NFYB: variants seen among roughly 807,000 people sequenced by gnomAD.
The protein encoded by NFYB is nuclear transcription factor Y subunit beta.
A neutral mutation model predicts 28.0 loss-of-function variants in NFYB; 13 were observed. The ratio of observed to expected loss-of-function variants is 0.46; its 90% confidence interval spans 0.30 to 0.74. NFYB has a LOEUF of 0.74. Among genes scored for constraint, NFYB ranks in the 30% least tolerant of loss-of-function variants. NFYB has a pLI of 0.07. For synonymous variants in NFYB, 74 were observed against 75.0 expected, an observed-to-expected ratio of 0.99 and a Z score of 0.07; for missense variants, 142 against 247.6, an observed-to-expected ratio of 0.57 and a Z score of 2.86.
In NFYB at chr12:104,136,142, C is replaced by A. The variant is rs1372891388; in HGVS notation, c.-79-610G>T. On this transcript the variant is annotated intron_variant, in intron 1 of 7. Coordinates refer to ENST00000240055, the MANE Select transcript of NFYB (RefSeq NM_006166.4). The stretch of plus-strand genomic sequence containing the variant: ...GACCCTTATTTATAATTTTGAAGCA[C>A]CACCATTTTTGACTAAAATTGCATC... Among the ~76,000 whole-genome samples the A allele has an allele frequency of 2.0e-5, 3 of 152,254 alleles. No individual in the cohort carries two copies. In the East Asian group the frequency reaches 5.8e-4, roughly 29 times the overall value.
intron 1 of NFYB, 68 bp from the exon 2 acceptor site, chr12:104,135,600 A>C: frequency 1.7e-6 from 1 of 589,220 alleles, no homozygotes; most frequent in Non-Finnish European, 2.8e-6. Context: ...TGTATCACTT[A>C]TAGGCTTTTT....
At chr12:104,123,155 AAC>A (rs2030543957) in intron 5 of NFYB, 69 bp downstream of exon 5, 8 of 1,208,736 alleles carry the variant, frequency 6.6e-6, no homozygotes, top group Non-Finnish European at 9.3e-6. Flanking sequence ...CAGCCTGGGC[AAC>A]AGAGCGATAC....
In NFYB at chr12:104,117,106, A is replaced by G. The variant is rs376391932; in HGVS notation, c.*2631T>C. On this transcript the variant is annotated 3_prime_UTR_variant, in exon 8 of 8. Transcript: ENST00000240055. ...CAAAATTATAAAAAACATTTTTATG[A>G]TAGGTTAACATGGGAGCTTGCATAC... is the stretch of plus-strand genomic sequence containing the variant. 17 of 152,346 alleles carry G rather than the reference A, an allele frequency of 1.1e-4. No homozygotes were observed. The East Asian group carries it at 3.1e-3, about 28-fold the overall frequency. The allele number at this position is 152,346 out of a possible 1,614,324, so 9.4% of individuals were successfully genotyped here. A position where few individuals can be genotyped will look rare whatever the true frequency, so the allele number is the denominator to read the frequency against.
At chr12:104,129,587 C>A (rs945735334) in intron 2 of NFYB, among the ~76,000 whole-genome samples, 2 of 152,028 alleles carry the variant, frequency 1.3e-5, no homozygotes, top group African/African-American at 2.4e-5. Context: ...TTTCTCTCCC[C>A]CTGCCAAATC....
chr12:104,127,228 T>C (rs1277527141), intron 3 of NFYB, among the ~76,000 whole-genome samples: 5 of 152,182 alleles, frequency 3.3e-5, no homozygotes, highest in Admixed American at 2.6e-4. Context: ...CAGGATGAAA[T>C]TAATCCCTCT....
In NFYB at chr12:104,118,009, C is replaced by A. The variant is rs1397818390; in HGVS notation, c.*1728G>T. The A allele has an allele frequency of 6.6e-6, 1 of 151,908 alleles. No homozygotes were observed. Among genetic ancestry groups the A allele is most frequent in the African/African-American group, 2.4e-5 (1 of 41,350 alleles). The allele number at this position is 151,908 out of a possible 1,614,324, so 9.4% of individuals were successfully genotyped here. On this transcript the variant is annotated 3_prime_UTR_variant, in exon 8 of 8. Transcript: ENST00000240055. ...GAAAAGATGTAAATAGTCAAAATAT[C>A]CAATAGAAGATTAAATGAATTATGA... is the stretch of plus-strand genomic sequence containing the variant.
At chr12:104,126,274 G>T in intron 3 of NFYB, 30 bp from the exon 4 acceptor site, 1 of 1,473,556 alleles carries the variant, frequency 6.8e-7, no homozygotes, top group Non-Finnish European at 9.0e-7. Flanking sequence ...TAGGTGTAAA[G>T]CTTCTTATTA....
At position 104,118,733 on chromosome 12, in the gene NFYB, A is replaced by C. The variant is rs1162276981; in HGVS notation, c.*1004T>G. 2 of 152,032 alleles carry C rather than the reference A, an allele frequency of 1.3e-5. No individual in the cohort carries two copies. The highest frequency in any genetic ancestry group is 2.9e-5 in the Non-Finnish European group (2 of 67,990). 9.4% of individuals were successfully genotyped at this position (152,032 alleles called of 1,614,324 possible). ...CTATTTCACACCGTTCACAGCACTC[A>C]CTCTGTTCTCCATTTCATCCACTCA... On this transcript the variant is annotated 3_prime_UTR_variant, in exon 8 of 8. Transcript: ENST00000240055.
chr12:104,135,553 A>G, intron 1 of NFYB, 21 bp from the exon 2 acceptor site: 1 of 1,029,666 alleles, frequency 9.7e-7, no homozygotes, highest in Non-Finnish European at 1.4e-6. Flanking sequence ...AACATCTATT[A>G]GGACCTAACA....
chr12:104,118,644 CAA>C lies in NFYB; in HGVS notation c.*1091_*1092del, dbSNP rs1348104050. 5.9e-5 allele frequency: 9 copies of C among 152,386 alleles called. No individual in the cohort carries two copies. Among genetic ancestry groups the C allele is most frequent in the African/African-American group, 2.2e-4 (9 of 41,422 alleles). 9.4% of individuals were successfully genotyped at this position (152,386 alleles called of 1,614,324 possible). On this transcript the variant is annotated 3_prime_UTR_variant, in exon 8 of 8. Transcript: ENST00000240055. ...TCCAAGTACATACTACTAAATTATA[CAA>C]AGTTACATTATTTACGTTTAGTTTA...
chr12:104,127,936 T>C (rs2136660786), intron 3 of NFYB, among the ~76,000 whole-genome samples: 1 of 152,164 alleles, frequency 6.6e-6, no homozygotes, highest in East Asian at 1.9e-4. Context: ...CTGCCCACCT[T>C]GCCCTCCCAA....
intron 5 of NFYB, among the ~76,000 whole-genome samples, chr12:104,121,675 T>G (rs2030482936): frequency 6.6e-6 from 1 of 152,196 alleles, no homozygotes; most frequent in Non-Finnish European, 1.5e-5. Context: ...ATGATCCAAG[T>G]GATCACTTAA....
Position 104,119,501 on chromosome 12 carries a change from G to A in NFYB, c.*236C>T, listed in dbSNP as rs2030384229. On this transcript the variant is annotated 3_prime_UTR_variant, in exon 8 of 8. Coordinates refer to ENST00000240055, the MANE Select transcript of NFYB (RefSeq NM_006166.4). ...GAGTCATACAGAGCAACAAACTCTCGTACAAAACAAAAATATTTTAATACC... is the reference window on the plus strand; with the variant it reads ...GAGTCATACAGAGCAACAAACTCTCATACAAAACAAAAATATTTTAATACC... 3 of 408,782 alleles carry A rather than the reference G, an allele frequency of 7.3e-6. No individual in the cohort carries two copies. Among genetic ancestry groups the A allele is most frequent in the Non-Finnish European group, 8.9e-6 (2 of 225,818 alleles). 25.3% of individuals were successfully genotyped at this position (408,782 alleles called of 1,614,324 possible). A position where few individuals can be genotyped will look rare whatever the true frequency, so the allele number is the denominator to read the frequency against.
At chr12:104,122,213 T>C (rs933481679) in intron 5 of NFYB, among the ~76,000 whole-genome samples, 1 of 152,144 alleles carries the variant, frequency 6.6e-6, no homozygotes, top group African/African-American at 2.4e-5. Flanking sequence ...ATTTTACAGA[T>C]GAGGAAACCA....
intron 3 of NFYB, 85 bp from the exon 4 acceptor site, chr12:104,126,329 A>G: frequency 3.9e-6 from 4 of 1,037,528 alleles, no homozygotes; most frequent in Non-Finnish European, 5.2e-6. Flanking sequence ...ATCCAGAATA[A>G]AATCATTCTG....
chr12:104,128,707 C>T, intron 2 of NFYB, 190 bp from the exon 3 acceptor site: 1 of 293,962 alleles, frequency 3.4e-6, no homozygotes, highest in Admixed American at 4.7e-5. Flanking sequence ...TACTCTGTGG[C>T]CCAGGCTGGA....
At position 104,121,324 on chromosome 12, in the gene NFYB, G is replaced by T; in HGVS notation, c.430-3C>A. The T allele has an allele frequency of 6.3e-7, 1 of 1,599,918 alleles. No homozygotes were observed. Among genetic ancestry groups the T allele is most frequent in the Non-Finnish European group, 8.5e-7 (1 of 1,175,476 alleles). Reference sequence around the variant, plus strand: ...ATTCCCTTTTCTCCTTTCATAGCCTGAGGAAGGAAAAAAAAAAAGTCACTG... The same window carrying T: ...ATTCCCTTTTCTCCTTTCATAGCCTTAGGAAGGAAAAAAAAAAAGTCACTG... On this transcript the variant is annotated splice_region_variant and splice_polypyrimidine_tract_variant and intron_variant, in intron 5 of 7. Coordinates refer to ENST00000240055, the MANE Select transcript of NFYB (RefSeq NM_006166.4).
At chr12:104,122,188 G>A (rs1156656592) in intron 5 of NFYB, among the ~76,000 whole-genome samples, 2 of 152,110 alleles carry the variant, frequency 1.3e-5, no homozygotes, top group African/African-American at 4.8e-5. Context: ...CTATGATATA[G>A]GTACTATTAG....
In NFYB at chr12:104,118,425, A is replaced by T. The variant is rs375714901; in HGVS notation, c.*1312T>A. The T allele has an allele frequency of 2.0e-5, 3 of 152,718 alleles. No homozygotes were observed. The South Asian group carries it at 6.2e-4, about 32-fold the overall frequency. 9.5% of individuals were successfully genotyped at this position (152,718 alleles called of 1,614,324 possible). A position where few individuals can be genotyped will look rare whatever the true frequency, so the allele number is the denominator to read the frequency against. On this transcript the variant is annotated 3_prime_UTR_variant, in exon 8 of 8. Transcript: ENST00000240055. ...CAAAGTAAATGTTTCTGTTCAGCCT[A>T]TATCTGGGAAATTGCTTCTACCTTA...
Sources: allele counts gnomAD v4.1 joint callset (sites outside exome capture counted in the v4.1 genomes callset), GRCh38; gene constraint gnomAD v4.1.1; transcripts MANE v1.5; gene names NCBI Gene and HGNC (gene_info 2026-07-23, HGNC 2026-07-21).